CSPP1: variants seen among roughly 807,000 people sequenced by gnomAD.
CSPP1 encodes the protein centrosome and spindle pole associated protein 1.
Under a neutral mutation model 164.4 loss-of-function variants are expected in CSPP1, and 126 were observed. The observed-to-expected ratio is 0.77, with a 90% confidence interval of 0.66 to 0.89. The LOEUF (loss-of-function observed/expected upper bound fraction) is 0.89. Among genes scored for constraint, CSPP1 ranks in the 40% least tolerant of loss-of-function variants. CSPP1 has a pLI of 0.00. For synonymous variants in CSPP1, 472 were observed against 476.7 expected (o/e 0.99, Z 0.13); for missense variants, 1,395 against 1,449.8 (o/e 0.96, Z 0.61).
At chr8:67,182,664 T>C (rs912244442) in intron 28 of CSPP1, among the ~76,000 whole-genome samples, 1 of 152,238 alleles carries the variant, frequency 6.6e-6, no homozygotes, top group African/African-American at 2.4e-5. Flanking sequence ...GTTTTTTGAA[T>C]AGTAGCAATC....
intron 3 of CSPP1, among the ~76,000 whole-genome samples, chr8:67,085,474 AT>A (rs1324979475): frequency 2.6e-5 from 4 of 152,080 alleles, no homozygotes; most frequent in Non-Finnish European, 5.9e-5. Flanking sequence ...GCTAAAAAAA[AT>A]CATGTTATTA....
At chr8:67,129,021 A>G (rs1782428613) in intron 15 of CSPP1, among the ~76,000 whole-genome samples, 1 of 152,170 alleles carries the variant, frequency 6.6e-6, no homozygotes, top group Non-Finnish European at 1.5e-5. Flanking sequence ...ACTGGAGCCT[A>G]TTGGTGTTAG....
intron 19 of CSPP1, among the ~76,000 whole-genome samples, chr8:67,157,102 G>C (rs990422158): frequency 1.1e-4 from 16 of 152,086 alleles, no homozygotes; most frequent in African/African-American, 3.6e-4. Flanking sequence ...GGGGAATTGA[G>C]TATTGAATAT....
At chr8:67,168,119 AC>A (rs1335115855) in intron 24 of CSPP1, among the ~76,000 whole-genome samples, 1 of 152,070 alleles carries the variant, frequency 6.6e-6, no homozygotes, top group East Asian at 1.9e-4. Context: ...ACACAGCGAA[AC>A]CCCGTTTCCA....
rs1295771126 is a variant in CSPP1, at chr8:67,195,457, C to T, written c.3545C>T (p.Thr1182Ile). The part of the protein sequence containing the change: ...IGDDGSNSVA[T>I]EPWLRPGTSE... ...GATGACGGATCAAACTCTGTAGCAA[C>T]TGAGCCCTGGCTCCGCCCTGGCACT... is the stretch of plus-strand genomic sequence containing the variant. The change falls in exon 31 of 31, where the codon ACT becomes ATT. Residue 1182 changes from threonine to isoleucine, a missense_variant. By Grantham distance (89) the Thr-to-Ile change is moderately conservative. Transcript: ENST00000678616. The T allele has an allele frequency of 6.2e-7, 1 of 1,614,058 alleles. No homozygotes were observed. Among genetic ancestry groups the T allele is most frequent in the African/African-American group, 1.3e-5 (1 of 74,942 alleles).
Position 67,149,780 on chromosome 8 carries a change from C to T in CSPP1, c.1976-3C>T. ...AAATAAATGGCTTATTTTTTCCTCT[C>T]AGCTGATTTGAATAGGATGCACAGA... On this transcript the variant is annotated splice_region_variant and splice_polypyrimidine_tract_variant and intron_variant, in intron 17 of 30. Coordinates refer to ENST00000678616, the MANE Select transcript of CSPP1 (RefSeq NM_001382391.1). 1 of 1,529,338 alleles carries T rather than the reference C, an allele frequency of 6.5e-7. No individual in the cohort carries two copies. The highest frequency in any genetic ancestry group is 8.7e-7 in the Non-Finnish European group (1 of 1,143,708). The allele number at this position is 1,529,338 out of a possible 1,614,324, so 94.7% of individuals were successfully genotyped here. A position where few individuals can be genotyped will look rare whatever the true frequency, so the allele number is the denominator to read the frequency against.
intron 15 of CSPP1, among the ~76,000 whole-genome samples, chr8:67,120,083 A>T (rs1202494789): frequency 2.0e-5 from 3 of 152,108 alleles, no homozygotes; most frequent in African/African-American, 7.2e-5. Flanking sequence ...GTTATTTTGT[A>T]TGTGGATATT....
At chr8:67,094,119 GAAAAAAAAAAA>G (rs71249416) in intron 6 of CSPP1, among the ~76,000 whole-genome samples, 10 of 29,444 alleles carry the variant, frequency 3.4e-4, no homozygotes, top group Admixed American at 1.5e-3. Flanking sequence ...GACCTGGTCT[GAAAAAAAAAAA>G]AAAAAAAAAA....
intron 17 of CSPP1, among the ~76,000 whole-genome samples, chr8:67,141,569 C>T (rs1185545897): frequency 7.9e-5 from 12 of 152,080 alleles, no homozygotes; most frequent in South Asian, 2.1e-4. Flanking sequence ...TTGCCCAGGC[C>T]GGAGTGCAAT....
At chr8:67,183,483 A>G (rs182827920) in intron 28 of CSPP1, among the ~76,000 whole-genome samples, 43 of 152,342 alleles carry the variant, frequency 2.8e-4, no homozygotes, top group African/African-American at 5.5e-4. Context: ...CTAGAAATCA[A>G]TAACAGAAAG....
At chr8:67,174,214 G>A (rs1453936293) in intron 25 of CSPP1, 1 of 152,064 alleles carries the variant, frequency 6.6e-6, no homozygotes, top group Non-Finnish European at 1.5e-5. Flanking sequence ...AAGCAGTGAA[G>A]CCAGGGACCA....
At chr8:67,148,098 C>T (rs1586517605) in intron 17 of CSPP1, among the ~76,000 whole-genome samples, 1 of 151,368 alleles carries the variant, frequency 6.6e-6, no homozygotes. Flanking sequence ...TTTGTATTTT[C>T]AGTAGAAATG....
chr8:67,119,347 A>C, intron 15 of CSPP1, among the ~76,000 whole-genome samples: 1 of 152,196 alleles, frequency 6.6e-6, no homozygotes. Context: ...GCTGCTGTGA[A>C]CATGAGTTTA....
At chr8:67,165,023 C>T (rs1829041999) in intron 24 of CSPP1, among the ~76,000 whole-genome samples, 1 of 152,166 alleles carries the variant, frequency 6.6e-6, no homozygotes. Flanking sequence ...GTTGCTCACG[C>T]CTGTAATCCC....
At chr8:67,184,729 AT>A (rs1360282506) in intron 28 of CSPP1, among the ~76,000 whole-genome samples, 16 of 147,590 alleles carry the variant, frequency 1.1e-4, no homozygotes, top group Admixed American at 1.3e-4. Flanking sequence ...GTCTAAAAAA[AT>A]AATAATAAAA....
intron 5 of CSPP1, 115 bp downstream of exon 5, chr8:67,091,998 G>T: frequency 3.5e-6 from 1 of 286,674 alleles, no homozygotes; most frequent in East Asian, 1.4e-4. Context: ...CCCCACACTT[G>T]AATATATTTC....
chr8:67,092,722 C>T (rs558039090), intron 5 of CSPP1, among the ~76,000 whole-genome samples: 3 of 152,286 alleles, frequency 2.0e-5, no homozygotes, highest in Admixed American at 6.5e-5. Context: ...GCATTACAGG[C>T]GTGAGCCACC....
At chr8:67,138,984 T>G (rs1044370984) in intron 17 of CSPP1, among the ~76,000 whole-genome samples, 7 of 152,178 alleles carry the variant, frequency 4.6e-5, no homozygotes, top group African/African-American at 7.2e-5. Context: ...GTAAGGAAGG[T>G]ATCCAGTTTC....
chr8:67,195,665 C>T lies in CSPP1; in HGVS notation c.*72C>T. ...TGGTAAATCTGTACCTTTAATATGTCCTACTTTTGGCCCCTACCTGAAAGT... is the reference window on the plus strand; with the variant it reads ...TGGTAAATCTGTACCTTTAATATGTTCTACTTTTGGCCCCTACCTGAAAGT... On this transcript the variant is annotated 3_prime_UTR_variant, in exon 31 of 31. Transcript: ENST00000678616. The T allele has an allele frequency of 7.4e-7, 1 of 1,357,156 alleles. No homozygotes were observed. The highest frequency in any genetic ancestry group is 1.0e-6 in the Non-Finnish European group (1 of 968,740). The allele number at this position is 1,357,156 out of a possible 1,614,324, so 84.1% of individuals were successfully genotyped here.
Sources: gnomAD v4.1 joint callset for allele counts (sites outside exome capture counted in the v4.1 genomes callset) on GRCh38, gnomAD v4.1.1 for gene constraint, MANE v1.5 for transcripts, NCBI Gene and HGNC (gene_info 2026-07-23, HGNC 2026-07-21) for gene names.